The following AKR1C3 variants were observed in gnomAD, a reference collection of about 807,000 sequenced individuals.
AKR1C3 encodes 3-alpha hydroxysteroid dehydrogenase, type II.
Under a neutral mutation model 43.6 loss-of-function variants are expected in AKR1C3, and 48 were observed. The observed-to-expected ratio is 1.10, with a 90% CI of 0.87 to 1.40. The LOEUF (loss-of-function observed/expected upper bound fraction) is 1.40, where lower values mean the gene tolerates loss of function less well. AKR1C3 is among the 40% of genes most tolerant of loss of function. The probability of loss-of-function intolerance (pLI) is 0.00; values close to 1 mark genes in which losing one functional copy is unlikely to be tolerated. For missense variants in AKR1C3, 482 were observed against 391.2 expected (o/e 1.23, Z -1.96); for synonymous variants, 162 against 139.6 (o/e 1.16, Z -1.13).
At chr10:5,084,866 T>G (rs1353483787) in intron 1 of AKR1C3, among the ~76,000 whole-genome samples, 2 of 152,218 alleles carry the variant, frequency 1.3e-5, no homozygotes, top group Non-Finnish European at 2.9e-5. Context: ...ATTCATGATT[T>G]GGCTCTCTGT....
intron 1 of AKR1C3, among the ~76,000 whole-genome samples, chr10:5,051,871 C>T (rs1838160319): frequency 6.6e-6 from 1 of 152,200 alleles, no homozygotes; most frequent in South Asian, 2.1e-4. Context: ...TCAGTGCTCT[C>T]TTCTAAAGAT....
chr10:5,089,710 T>G (rs117009301), upstream of AKR1C3, among the ~76,000 whole-genome samples: 1,694 of 152,294 alleles, frequency 0.011, 27 homozygotes, highest in Middle Eastern at 0.054. Context: ...TAATCCATAC[T>G]TTGAATTCTA....
chr10:5,072,411 C>T (rs527508979), intron 1 of AKR1C3, among the ~76,000 whole-genome samples: 1 of 152,198 alleles, frequency 6.6e-6, no homozygotes, highest in East Asian at 1.9e-4. Context: ...GGATAGAGAC[C>T]TTTTCTTCTA....
At chr10:5,072,318 G>T (rs782451588) in intron 1 of AKR1C3, among the ~76,000 whole-genome samples, 1 of 152,202 alleles carries the variant, frequency 6.6e-6, no homozygotes, top group Non-Finnish European at 1.5e-5. Flanking sequence ...CTTCTGTTTA[G>T]AAAGCATGCT....
intron 8 of AKR1C3, among the ~76,000 whole-genome samples, chr10:5,107,202 C>G (rs782206267): frequency 1.3e-5 from 2 of 152,126 alleles, no homozygotes; most frequent in Non-Finnish European, 2.9e-5. Context: ...GCTCTGCTGA[C>G]AGATGTACAG....
chr10:5,050,543 G>A (rs1197844175), intron 1 of AKR1C3, among the ~76,000 whole-genome samples: 2 of 151,138 alleles, frequency 1.3e-5, no homozygotes, highest in African/African-American at 4.9e-5. Context: ...GATAATGTGT[G>A]AAAAACATAA....
intron 1 of AKR1C3, among the ~76,000 whole-genome samples, chr10:5,062,726 A>G (rs1838404751): frequency 6.6e-6 from 1 of 152,188 alleles, no homozygotes; most frequent in Non-Finnish European, 1.5e-5. Context: ...GAATTTCTTT[A>G]GCAAGCATAA....
At chr10:5,064,492 A>G (rs1346543650) in intron 1 of AKR1C3, among the ~76,000 whole-genome samples, 1 of 152,222 alleles carries the variant, frequency 6.6e-6, no homozygotes, top group East Asian at 1.9e-4. Flanking sequence ...CATGATGAAG[A>G]CACCAAAAGC....
intron 1 of AKR1C3, among the ~76,000 whole-genome samples, chr10:5,061,302 G>A (rs1554780218): frequency 6.6e-6 from 1 of 152,216 alleles, no homozygotes; most frequent in Non-Finnish European, 1.5e-5. Flanking sequence ...GTATATATCA[G>A]TGCATCTTTA....
At chr10:5,064,988 T>C (rs1564356630) in intron 1 of AKR1C3, among the ~76,000 whole-genome samples, 1 of 151,674 alleles carries the variant, frequency 6.6e-6, no homozygotes. Context: ...GACATACTTG[T>C]GGCAAACAAG....
intron 1 of AKR1C3, among the ~76,000 whole-genome samples, chr10:5,072,718 A>G (rs1256779721): frequency 1.4e-4 from 21 of 152,342 alleles, no homozygotes; most frequent in African/African-American, 4.3e-4. Flanking sequence ...AGGATACCCC[A>G]ATTACCAGGT....
At chr10:5,103,470 G>T (rs1839410154) in intron 7 of AKR1C3, among the ~76,000 whole-genome samples, 1 of 152,048 alleles carries the variant, frequency 6.6e-6, no homozygotes, top group Non-Finnish European at 1.5e-5. Context: ...ATTTACTCAG[G>T]ATTCTCTAGT....
intron 1 of AKR1C3, among the ~76,000 whole-genome samples, chr10:5,086,257 GA>G (rs1419156357): frequency 6.6e-6 from 1 of 151,548 alleles, no homozygotes; most frequent in Non-Finnish European, 1.5e-5. Flanking sequence ...ATGTGTCCCA[GA>G]GATTCTGGTA....
Position 5,058,360 on chromosome 10 carries a change from C to T in AKR1C3, c.84+9465C>T, listed in dbSNP as rs368257122. 2.0e-4 allele frequency among the ~76,000 whole-genome samples: 30 copies of T among 152,290 alleles called. No individual in the cohort carries two copies. In the East Asian group the frequency reaches 2.1e-3, roughly 11 times the overall value. On this transcript the variant is annotated intron_variant, in intron 1 of 8. Coordinates refer to the AKR1C3 transcript ENST00000439082. The stretch of plus-strand genomic sequence containing the variant: ...ATAGTATTGTAATTTGTACTTCCCT[C>T]AGGTGGCCATTTTTCCCCATCAAAG...
chr10:5,090,678 G>A (rs1337394301), upstream of AKR1C3, among the ~76,000 whole-genome samples: 1 of 152,078 alleles, frequency 6.6e-6, no homozygotes, highest in Non-Finnish European at 1.5e-5. Context: ...GGTTGGGTCA[G>A]CCCAGTCTCA....
intron 1 of AKR1C3, among the ~76,000 whole-genome samples, chr10:5,088,296 G>T (rs1483213109): frequency 1.3e-5 from 2 of 152,086 alleles, no homozygotes; most frequent in African/African-American, 4.8e-5. Flanking sequence ...GTATTCTGTA[G>T]TTGTTAGGTA....
chr10:5,052,201 T>C (rs955568031), intron 1 of AKR1C3, among the ~76,000 whole-genome samples: 5 of 152,132 alleles, frequency 3.3e-5, no homozygotes, highest in African/African-American at 1.2e-4. Flanking sequence ...AGGTGGCACG[T>C]CTGGAGTTGT....
chr10:5,087,435 C>T (rs1167998559), intron 1 of AKR1C3, among the ~76,000 whole-genome samples: 3 of 148,078 alleles, frequency 2.0e-5, no homozygotes, highest in Non-Finnish European at 4.4e-5. Flanking sequence ...GGCAGTGGGG[C>T]AATCTCAGCT....
At chr10:5,050,466 A>G (rs1023179423) in intron 1 of AKR1C3, among the ~76,000 whole-genome samples, 1 of 152,252 alleles carries the variant, frequency 6.6e-6, no homozygotes, top group Non-Finnish European at 1.5e-5. Flanking sequence ...TAACTCATGT[A>G]ATGAGGGAAA....
Sources: gnomAD v4.1 joint callset for allele counts (sites outside exome capture counted in the v4.1 genomes callset) on GRCh38, gnomAD v4.1.1 for gene constraint, MANE v1.5 for transcripts, NCBI Gene and HGNC (gene_info 2026-07-23, HGNC 2026-07-21) for gene names.